The following NEDD1 variants were observed in gnomAD, a reference collection of about 807,000 sequenced individuals.
NEDD1 encodes the protein NEDD1 gamma-tubulin ring complex targeting factor.
NEDD1 carries 33 observed loss-of-function variants against 74.0 expected under a neutral mutation model. The observed-to-expected ratio is 0.45, with a 90% CI of 0.34 to 0.60. The LOEUF is 0.60. Ranked by LOEUF, NEDD1 falls within the 20% of genes least tolerant of loss-of-function variation. The pLI is 0.01. For missense variants in NEDD1, 746 were observed against 776.5 expected (o/e 0.96, Z 0.47); for synonymous variants, 250 against 264.4 (o/e 0.95, Z 0.53).
In NEDD1 at chr12:96,909,728, T is replaced by C. The variant is rs770512705; in HGVS notation, c.-8-24T>C. The C allele has an allele frequency of 3.2e-6, 5 of 1,580,558 alleles. No individual in the cohort carries two copies. The South Asian group carries it at 5.7e-5, about 18-fold the overall frequency. On this transcript the variant is annotated intron_variant, in intron 2 of 15. Transcript: ENST00000266742. The stretch of plus-strand genomic sequence containing the variant: ...TGTCTATTCTTAAATGTTTTTAAAA[T>C]ACATTGTTTTAAACTATTTGTAGGC...
rs1815907474 is a variant in NEDD1, at chr12:96,920,667, A to C, written c.489+542A>C. On this transcript the variant is annotated intron_variant, in intron 6 of 15. Transcript: ENST00000266742. ...GAAAATAAGTCAATTTTTTTCCTCT[A>C]TAAAAAATGTTCAAAAGAATAAATT... 2.0e-5 allele frequency among the ~76,000 whole-genome samples: 3 copies of C among 152,194 alleles called. No homozygotes were observed. In the South Asian group the frequency reaches 6.2e-4, roughly 32 times the overall value.
At chr12:96,936,412 G>A (rs575532181) in intron 7 of NEDD1, among the ~76,000 whole-genome samples, 199 bp from the exon 8 acceptor site, 1 of 152,306 alleles carries the variant, frequency 6.6e-6, no homozygotes, top group South Asian at 2.1e-4. Context: ...ATGTTTAGCA[G>A]TTCTCTATAT....
At chr12:96,936,177 C>T (rs1003944291) in intron 7 of NEDD1, among the ~76,000 whole-genome samples, 8 of 152,180 alleles carry the variant, frequency 5.3e-5, no homozygotes, top group African/African-American at 1.9e-4. Flanking sequence ...AACAAAGTAA[C>T]AGCTGCTCCC....
rs1375210888 is a variant in NEDD1 at position 96,953,203 on chromosome 12, TA to T, written c.*1154del. 2 of 147,618 alleles carry T rather than the reference TA, an allele frequency of 1.4e-5. No homozygotes were observed. The highest frequency in any genetic ancestry group is 1.4e-4 in the Admixed American group (2 of 14,664). 9.1% of individuals were successfully genotyped at this position (147,618 alleles called of 1,614,324 possible). ...TGACTTCTGAGATGAAAGTATTTAC[TA>T]AAATTAAAAAAAAAAAAACAAAAAA... On this transcript the variant is annotated 3_prime_UTR_variant, in exon 16 of 16. Transcript: ENST00000266742.
intron 6 of NEDD1, among the ~76,000 whole-genome samples, chr12:96,930,670 G>A (rs1176739109): frequency 1.3e-5 from 2 of 152,148 alleles, no homozygotes; most frequent in African/African-American, 2.4e-5. Context: ...TCACAAATAA[G>A]TTTAGGCAGA....
At chr12:96,908,993 A>G (rs958085361) in intron 2 of NEDD1, among the ~76,000 whole-genome samples, 1 of 152,048 alleles carries the variant, frequency 6.6e-6, no homozygotes, top group Non-Finnish European at 1.5e-5. Flanking sequence ...CCTGACCAAC[A>G]TGGAGAAACC....
intron 4 of NEDD1, among the ~76,000 whole-genome samples, chr12:96,914,573 A>G (rs997545532): frequency 6.6e-6 from 1 of 152,222 alleles, no homozygotes; most frequent in Non-Finnish European, 1.5e-5. Flanking sequence ...TTACAGAAAC[A>G]TATTAATGTG....
intron 3 of NEDD1, among the ~76,000 whole-genome samples, chr12:96,912,378 G>A (rs1874008390): frequency 2.0e-5 from 3 of 152,032 alleles, no homozygotes; most frequent in Admixed American, 2.0e-4. Flanking sequence ...TGAAAAGGTT[G>A]ATTGATATTT....
rs757956727 is a variant in NEDD1 at position 96,943,697 on chromosome 12, G to C, written c.1432G>C (p.Asp478His). The C allele has an allele frequency of 6.2e-7, 1 of 1,612,620 alleles. No homozygotes were observed. Among genetic ancestry groups the C allele is most frequent in the South Asian group, 1.1e-5 (1 of 91,044 alleles). ...SPGKEENENRDLTAESKKIYM... is the reference protein window; with the variant it reads ...SPGKEENENRHLTAESKKIYM... Reference sequence around the variant, plus strand: ...AGGGAAAGAGGAAAATGAAAACCGTGATCTAACAGCTGAGTCTAAGAAAAT... The same window carrying C: ...AGGGAAAGAGGAAAATGAAAACCGTCATCTAACAGCTGAGTCTAAGAAAAT... Residue 478 changes from aspartate (D) to histidine (H), a missense_variant, in exon 12 of 16, where the codon GAT becomes CAT. By Grantham distance (81) the Asp-to-His change is moderately conservative. Around this residue, in one of 3 missense-constraint regions of NEDD1, gnomAD observed 706 missense variants for 706.7 expected, o/e 1.00. Coordinates refer to ENST00000266742, the MANE Select transcript of NEDD1 (RefSeq NM_152905.4).
At chr12:96,936,504 C>G in intron 7 of NEDD1, 107 bp from the exon 8 acceptor site, 1 of 687,308 alleles carries the variant, frequency 1.5e-6, no homozygotes. Context: ...GCTCTTTGAC[C>G]AGTTTGAAGT....
intron 10 of NEDD1, among the ~76,000 whole-genome samples, 179 bp from the exon 11 acceptor site, chr12:96,942,398 T>C (rs991195141): frequency 1.6e-4 from 25 of 152,148 alleles, no homozygotes; most frequent in African/African-American, 5.8e-4. Context: ...AAAGTGTGAA[T>C]GAAGCTAAAA....
chr12:96,909,915 AAC>A lies in NEDD1; in HGVS notation c.136+38_136+39del, dbSNP rs75007264. ...GCAATAGTATCCTTTAAAAAAAAAA[AAC>A]ACACACACACACACACAAACCGCTT... On this transcript the variant is annotated intron_variant, in intron 3 of 15. Transcript: ENST00000266742. 5.6e-4 allele frequency: 746 copies of A among 1,331,226 alleles called. No homozygotes were observed. The highest frequency in any genetic ancestry group is 1.2e-3 in the South Asian group (90 of 72,350). 82.5% of individuals were successfully genotyped at this position (1,331,226 alleles called of 1,614,324 possible). A position where few individuals can be genotyped will look rare whatever the true frequency, so the allele number is the denominator to read the frequency against.
chr12:96,913,619 G>C lies in NEDD1; in HGVS notation c.231+802G>C, dbSNP rs528144764. The stretch of plus-strand genomic sequence containing the variant: ...GAACTCCTGACCTCATGATCCGCCC[G>C]CCTCAGCCTCCCAAAGTGCTGGGAT... On this transcript the variant is annotated intron_variant, in intron 4 of 15. Transcript: ENST00000266742. 1.7e-4 allele frequency among the ~76,000 whole-genome samples: 26 copies of C among 152,028 alleles called. No homozygotes were observed. The South Asian group carries it at 5.2e-3, about 30-fold the overall frequency.
intron 1 of NEDD1, 93 bp downstream of exon 1, chr12:96,907,393 G>T: frequency 2.1e-6 from 1 of 479,416 alleles, no homozygotes; most frequent in Non-Finnish European, 3.6e-6. Context: ...CCCCTCAGAG[G>T]GCGGGGCGGC....
chr12:96,951,361 G>C lies in NEDD1; in HGVS notation c.1812-71G>C. ...GTAATTTGGCAAATGAAAAAGTTTA[G>C]TGAGTTTCTTGAATGACCTAGAATT... On this transcript the variant is annotated intron_variant, in intron 14 of 15. Coordinates refer to ENST00000266742, the MANE Select transcript of NEDD1 (RefSeq NM_152905.4). 5 of 811,336 alleles carry C rather than the reference G, an allele frequency of 6.2e-6. No individual in the cohort carries two copies. The South Asian group carries it at 8.7e-5, about 14-fold the overall frequency. 50.3% of individuals were successfully genotyped at this position (811,336 alleles called of 1,614,324 possible). A position where few individuals can be genotyped will look rare whatever the true frequency, so the allele number is the denominator to read the frequency against.
chr12:96,909,913 A>C lies in NEDD1; in HGVS notation c.136+18A>C, dbSNP rs199556266. 0.023 allele frequency: 35,938 copies of C among 1,561,746 alleles called. 252 individuals are homozygous for C. Among genetic ancestry groups the C allele is most frequent in the South Asian group, 0.074 (6,286 of 84,708 alleles). Reference sequence around the variant, plus strand: ...CAGCAATAGTATCCTTTAAAAAAAAAAAACACACACACACACACACAAACC... The same window carrying C: ...CAGCAATAGTATCCTTTAAAAAAAACAAACACACACACACACACACAAACC... On this transcript the variant is annotated intron_variant, in intron 3 of 15. Transcript: ENST00000266742.
Position 96,920,055 on chromosome 12 carries a change from G to T in NEDD1, c.419G>T (p.Ser140Ile). 1 of 1,603,490 alleles carries T rather than the reference G, an allele frequency of 6.2e-7. No homozygotes were observed. Among genetic ancestry groups the T allele is most frequent in the Non-Finnish European group, 8.5e-7 (1 of 1,170,894 alleles). Residue 140 changes from serine (S) to isoleucine (I), a missense_variant, in exon 6 of 16, where the codon AGT becomes ATT. Physicochemically the swap from Ser to Ile is moderately radical, Grantham distance 142 (BLOSUM62 -2). Coordinates refer to ENST00000266742, the MANE Select transcript of NEDD1 (RefSeq NM_152905.4). ...NDCYIASGSL[S>I]GEIILHSVTT... ...TGCTACATTGCTTCTGGATCTCTTAGTGGTGAAATTATTTTACACAGTGTA... is the reference window on the plus strand; with the variant it reads ...TGCTACATTGCTTCTGGATCTCTTATTGGTGAAATTATTTTACACAGTGTA...
intron 6 of NEDD1, among the ~76,000 whole-genome samples, chr12:96,934,665 G>A (rs1876900728): frequency 6.6e-6 from 1 of 151,928 alleles, no homozygotes; most frequent in South Asian, 2.1e-4. Flanking sequence ...AGCCTCCCAA[G>A]TAGCTGTAAT....
intron 6 of NEDD1, chr12:96,925,039 T>C (rs1875543633): frequency 3.6e-6 from 1 of 275,340 alleles, no homozygotes; most frequent in African/African-American, 2.3e-5. Context: ...TTAGCTCCTA[T>C]AATTCATATT....
Sources: allele counts gnomAD v4.1 joint callset (sites outside exome capture counted in the v4.1 genomes callset), GRCh38; gene constraint gnomAD v4.1.1; regional missense constraint gnomAD v4.1.1; transcripts MANE v1.5; gene names NCBI Gene and HGNC (gene_info 2026-07-23, HGNC 2026-07-21).